The following TTC29 variants were observed in gnomAD, a reference collection of about 807,000 sequenced individuals.
TTC29 encodes tetratricopeptide repeat domain 29.
TTC29 carries 49 observed loss-of-function variants against 58.1 expected under a neutral mutation model. That is an observed-to-expected ratio of 0.84 (90% CI 0.67 to 1.07). TTC29 has a LOEUF of 1.07. Among genes scored for constraint, TTC29 ranks in the 50% least tolerant of loss-of-function variants. The pLI is 0.00. For missense variants in TTC29, 582 were observed against 555.6 expected, an observed-to-expected ratio of 1.05 and a Z score of -0.48; for synonymous variants, 209 against 196.8, an observed-to-expected ratio of 1.06 and a Z score of -0.52.
chr4:146,892,001 T>C (rs1732399588), intron 6 of TTC29, among the ~76,000 whole-genome samples: 1 of 152,026 alleles, frequency 6.6e-6, no homozygotes, highest in Non-Finnish European at 1.5e-5. Context: ...TGTGACTGAG[T>C]TTCTGAGATG....
At chr4:146,887,639 A>C (rs566172916) in intron 6 of TTC29, among the ~76,000 whole-genome samples, 2 of 152,252 alleles carry the variant, frequency 1.3e-5, no homozygotes, top group South Asian at 4.1e-4. Context: ...ATATGACTCT[A>C]AAATTCATTT....
chr4:146,896,592 A>G (rs1172912438), intron 6 of TTC29, among the ~76,000 whole-genome samples: 1 of 152,216 alleles, frequency 6.6e-6, no homozygotes. Flanking sequence ...AGGGTGTGTG[A>G]GGAACAAGAA....
intron 4 of TTC29, among the ~76,000 whole-genome samples, chr4:146,918,433 A>G (rs980487347): frequency 6.0e-5 from 9 of 151,170 alleles, no homozygotes; most frequent in Non-Finnish European, 3.0e-5. Context: ...ATGGGTGATT[A>G]TATTTTAGAA....
At chr4:146,852,310 A>G (rs1199039614) in intron 8 of TTC29, among the ~76,000 whole-genome samples, 2 of 152,218 alleles carry the variant, frequency 1.3e-5, no homozygotes, top group Admixed American at 1.3e-4. Flanking sequence ...TTAAACATTT[A>G]TATGGGAAAC....
chr4:146,876,848 A>G (rs1341890354), intron 6 of TTC29, among the ~76,000 whole-genome samples: 1 of 150,278 alleles, frequency 6.7e-6, no homozygotes, highest in Non-Finnish European at 1.5e-5. Flanking sequence ...AGGCAGGGGA[A>G]TCGCTTGAAC....
At chr4:146,729,285 A>G (rs1210173202) in intron 11 of TTC29, among the ~76,000 whole-genome samples, 4 of 152,156 alleles carry the variant, frequency 2.6e-5, no homozygotes, top group African/African-American at 9.7e-5. Flanking sequence ...TTCTCCTAAC[A>G]TGAGTAAAGT....
chr4:146,733,046 G>T (rs1277019251), intron 11 of TTC29, among the ~76,000 whole-genome samples: 3 of 152,158 alleles, frequency 2.0e-5, no homozygotes, highest in Admixed American at 2.0e-4. Context: ...GGTGGATTTT[G>T]CCTTGCCTGG....
At chr4:146,780,539 C>G (rs1273505535) in intron 11 of TTC29, among the ~76,000 whole-genome samples, 3 of 151,896 alleles carry the variant, frequency 2.0e-5, no homozygotes, top group Non-Finnish European at 2.9e-5. Context: ...ATTCAGGATT[C>G]TGGTATGTAT....
chr4:146,809,772 C>T (rs750528448), intron 10 of TTC29, among the ~76,000 whole-genome samples: 11 of 149,570 alleles, frequency 7.4e-5, no homozygotes, highest in East Asian at 2.0e-4. Flanking sequence ...CAACAGATGC[C>T]GGAGAGAATG....
At chr4:146,818,866 T>C (rs1201037258) in intron 10 of TTC29, among the ~76,000 whole-genome samples, 1 of 151,114 alleles carries the variant, frequency 6.6e-6, no homozygotes, top group Non-Finnish European at 1.5e-5. Flanking sequence ...TTCTCACTCA[T>C]AGATGGGAAT....
At chr4:146,735,894 G>A (rs1056309929) in intron 11 of TTC29, among the ~76,000 whole-genome samples, 1 of 152,098 alleles carries the variant, frequency 6.6e-6, no homozygotes, top group Non-Finnish European at 1.5e-5. Flanking sequence ...ATAGGGAAAG[G>A]CAGAAAATCA....
Position 146,790,525 on chromosome 4 carries a change from T to A in TTC29, c.1330+12932A>T, listed in dbSNP as rs868246916. On this transcript the variant is annotated intron_variant, in intron 11 of 12. Transcript: ENST00000325106. ...ACTTTCTATTTTCATACCTGCTTTA[T>A]TTTTTTTTTTGTAGCACTTACCACT... Among the ~76,000 whole-genome samples, 3 of 145,384 alleles carry A rather than the reference T, an allele frequency of 2.1e-5. No individual in the cohort carries two copies. In the South Asian group the frequency reaches 6.5e-4, roughly 32 times the overall value.
chr4:146,754,657 G>A (rs1746294453), intron 11 of TTC29, among the ~76,000 whole-genome samples: 1 of 152,080 alleles, frequency 6.6e-6, no homozygotes, highest in Non-Finnish European at 1.5e-5. Flanking sequence ...TTAACAGAAT[G>A]AAAGATTAAA....
chr4:146,779,595 C>T (rs1472485670), intron 11 of TTC29, among the ~76,000 whole-genome samples: 2 of 151,812 alleles, frequency 1.3e-5, no homozygotes, highest in Non-Finnish European at 2.9e-5. Flanking sequence ...TGATATAATT[C>T]TCTATGTTAA....
chr4:146,731,384 C>A (rs1423012583), intron 11 of TTC29, among the ~76,000 whole-genome samples: 2 of 151,974 alleles, frequency 1.3e-5, no homozygotes, highest in Non-Finnish European at 2.9e-5. Context: ...GCATTAAGGG[C>A]CCACTTGAGG....
intron 11 of TTC29, among the ~76,000 whole-genome samples, chr4:146,773,841 TG>T (rs1747901118): frequency 3.9e-5 from 6 of 152,010 alleles, no homozygotes; most frequent in Non-Finnish European, 8.8e-5. Context: ...TTTATATATC[TG>T]GTAGAATTCA....
intron 11 of TTC29, among the ~76,000 whole-genome samples, chr4:146,740,734 G>GAGAT (rs1187497865): frequency 6.6e-6 from 1 of 151,830 alleles, no homozygotes; most frequent in East Asian, 1.9e-4. Flanking sequence ...AAATTTTTTA[G>GAGAT]AGATAGAGTC....
At chr4:146,849,243 T>C (rs1418015192) in intron 8 of TTC29, among the ~76,000 whole-genome samples, 1 of 152,206 alleles carries the variant, frequency 6.6e-6, no homozygotes, top group African/African-American at 2.4e-5. Flanking sequence ...AATATTCCCA[T>C]TGTATATCTG....
At chr4:146,775,810 T>C (rs1191097436) in intron 11 of TTC29, among the ~76,000 whole-genome samples, 2 of 152,166 alleles carry the variant, frequency 1.3e-5, no homozygotes, top group South Asian at 2.1e-4. Flanking sequence ...TCTGGCGAGG[T>C]TGGGAAATTT....
Sources: allele counts gnomAD v4.1 joint callset (sites outside exome capture counted in the v4.1 genomes callset), GRCh38; gene constraint gnomAD v4.1.1; transcripts MANE v1.5; gene names NCBI Gene and HGNC (gene_info 2026-07-23, HGNC 2026-07-21).